PRKCSH: variants seen among roughly 807,000 people sequenced by gnomAD.
The protein encoded by PRKCSH is PRKCSH beta subunit of glucosidase II, also known as glucosidase 2 subunit beta.
In PRKCSH, 42 loss-of-function variants were observed where a neutral mutation model predicts 79.7. The observed-to-expected ratio is 0.53, with a 90% confidence interval of 0.41 to 0.68. The LOEUF (loss-of-function observed/expected upper bound fraction) is 0.68, where lower values mean the gene tolerates loss of function less well. PRKCSH is among the 30% of genes least tolerant of loss of function. PRKCSH has a pLI of 0.00. For missense variants in PRKCSH, 686 were observed against 709.0 expected (o/e 0.97, Z 0.37); for synonymous variants, 325 against 288.2 (o/e 1.13, Z -1.29).
At chr19:11,442,733 C>T (rs963941946) in intron 7 of PRKCSH, among the ~76,000 whole-genome samples, 3 of 152,112 alleles carry the variant, frequency 2.0e-5, no homozygotes, top group African/African-American at 7.2e-5. Flanking sequence ...ACAGCGTCTC[C>T]CTCTGCCACC....
intron 5 of PRKCSH, among the ~76,000 whole-genome samples, chr19:11,439,160 G>C (rs1051783081): frequency 1.3e-5 from 2 of 152,140 alleles, no homozygotes; most frequent in African/African-American, 2.4e-5. Flanking sequence ...GCTCGCCTCA[G>C]CCTCCCAAAG....
chr19:11,444,263 G>T (rs574798690), intron 7 of PRKCSH, among the ~76,000 whole-genome samples: 1 of 152,288 alleles, frequency 6.6e-6, no homozygotes, highest in East Asian at 1.9e-4. Context: ...TTTTCCTCAG[G>T]ATGTGTTCTC....
At chr19:11,444,696 G>A (rs1383206027) in intron 7 of PRKCSH, among the ~76,000 whole-genome samples, 1 of 152,144 alleles carries the variant, frequency 6.6e-6, no homozygotes, top group Admixed American at 6.6e-5. Context: ...GACAGACAAA[G>A]GAGGGACTTT....
chr19:11,449,269 C>T lies in PRKCSH; in HGVS notation c.1465C>T (p.Arg489Cys). The T allele has an allele frequency of 1.2e-6, 2 of 1,613,704 alleles. No individual in the cohort carries two copies. ...WQGPNRSTTV[R>C]LLCGKETMVT... ...GCACCCGTCTGCCCATCCCCAGGTG[C>T]GCCTCCTGTGCGGGAAAGAGACCAT... Residue 489 changes from arginine to cysteine, a missense_variant, in exon 17 of 18, where the codon CGC becomes TGC. Physicochemically the swap from Arg to Cys is radical, Grantham distance 180 (BLOSUM62 -3). Transcript: ENST00000677123. This position sits in a 1 kb window ranked among gnomAD's most constrained non-coding sequence, Gnocchi z 6.4.
At chr19:11,440,997 T>C (rs987250562) in intron 5 of PRKCSH, 15 of 477,712 alleles carry the variant, frequency 3.1e-5, no homozygotes, top group Admixed American at 2.8e-4. Context: ...GATATCTAGC[T>C]CCACCTCCTG....
Position 11,441,305 on chromosome 19 carries a change from G to T in PRKCSH, c.416G>T (p.Arg139Leu). 6.2e-7 allele frequency: 1 copy of T among 1,614,026 alleles called. No individual in the cohort carries two copies. Among genetic ancestry groups the T allele is most frequent in the Non-Finnish European group, 8.5e-7 (1 of 1,179,938 alleles). ...QMAEVTREGF[R>L]LKKILIEDWK... ...GCCGAGGTCACCCGCGAAGGGTTCC[G>T]TCTGAAGAAGATCCTTATTGAGGAC... Residue 139 changes from arginine to leucine, a missense_variant, in exon 6 of 18, where the codon CGT becomes CTT. Physicochemically the swap from Arg to Leu is moderately radical, Grantham distance 102 (BLOSUM62 -2). Coordinates refer to ENST00000677123, the MANE Select transcript of PRKCSH (RefSeq NM_001289104.2).
In PRKCSH at chr19:11,449,358, C is replaced by T. The variant is rs951864674; in HGVS notation, c.1554C>T (p.Ala518=). The part of the protein sequence containing the change: ...EYLMELMTPA[A]CPEPPPEAPT... The stretch of plus-strand genomic sequence containing the variant: ...TCATGGAGCTGATGACGCCAGCCGC[C>T]TGCCCGGAGCCACCGCCTGAAGCAC... Residue 518 remains alanine, a synonymous_variant, in exon 17 of 18, where the codon GCC becomes GCT. Transcript: ENST00000677123. The surrounding 1 kb of genome is among the most constrained non-coding windows in gnomAD (Gnocchi z 6.4). 4 of 1,613,362 alleles carry T rather than the reference C, an allele frequency of 2.5e-6. No individual in the cohort carries two copies. The African/African-American group carries it at 4.0e-5, about 16-fold the overall frequency.
Position 11,448,214 on chromosome 19 carries a change from T to G in PRKCSH, c.1127-8T>G. 1 of 1,554,952 alleles carries G rather than the reference T, an allele frequency of 6.4e-7. No individual in the cohort carries two copies. The highest frequency in any genetic ancestry group is 8.7e-7 in the Non-Finnish European group (1 of 1,148,674). On this transcript the variant is annotated splice_polypyrimidine_tract_variant and splice_region_variant and intron_variant, in intron 12 of 17. Transcript: ENST00000677123. This position sits in a 1 kb window ranked among gnomAD's most constrained non-coding sequence, Gnocchi z 4.4. ...GAGGACATCTCTGACCTCCAACCCC[T>G]CTCCCAGCTGCCCAGGAGGCCCGCA...
rs112429008 is a variant in PRKCSH at position 11,448,922 on chromosome 19, A to G, written c.1295A>G (p.Tyr432Cys). 4 of 1,614,034 alleles carry G rather than the reference A, an allele frequency of 2.5e-6. No individual in the cohort carries two copies. Among genetic ancestry groups the G allele is most frequent in the African/African-American group, 1.3e-5 (1 of 74,990 alleles). Residue 432 changes from tyrosine (Y) to cysteine (C), a missense_variant, in exon 15 of 18, where the codon TAC becomes TGC. Coordinates refer to ENST00000677123, the MANE Select transcript of PRKCSH (RefSeq NM_001289104.2). This position sits in a 1 kb window ranked among gnomAD's most constrained non-coding sequence, Gnocchi z 4.4. ...GTCCCGGTCCTCCACAGATACGTCTACCGCCTCTGCCCCTTCAAGCTTGTC... is the reference window on the plus strand; with the variant it reads ...GTCCCGGTCCTCCACAGATACGTCTGCCGCCTCTGCCCCTTCAAGCTTGTC... Reference protein sequence around the residue: ...CYELTTNEYVYRLCPFKLVSQ... With the variant: ...CYELTTNEYVCRLCPFKLVSQ...
rs147379800 is a variant in PRKCSH, at chr19:11,443,304, T to G, written c.598+789T>G. Among the ~76,000 whole-genome samples the G allele has an allele frequency of 2.1e-3, 314 of 152,056 alleles. 1 individual carries two copies. Among genetic ancestry groups the G allele is most frequent in the African/African-American group, 7.1e-3 (294 of 41,512 alleles). The stretch of plus-strand genomic sequence containing the variant: ...GGCTCATGCCTGTAATCCCAGCACT[T>G]TGGGAGGCTGAGGCAGGCAGATCAC... On this transcript the variant is annotated intron_variant, in intron 7 of 17. Coordinates refer to ENST00000677123, the MANE Select transcript of PRKCSH (RefSeq NM_001289104.2).
Position 11,447,281 on chromosome 19 carries a change from A to AC in PRKCSH, c.849+127dup. On this transcript the variant is annotated intron_variant, in intron 10 of 17. Transcript: ENST00000677123. This position sits in a 1 kb window ranked among gnomAD's most constrained non-coding sequence, Gnocchi z 5.6. ...CCCTGGCCAGCTGGGTGGCCCCAGC[A>AC]CCCCCCACCGAGACCCCCCGACCCC... The AC allele has an allele frequency of 2.4e-6, 3 of 1,268,264 alleles. No individual in the cohort carries two copies. Among genetic ancestry groups the AC allele is most frequent in the East Asian group, 2.7e-5 (1 of 37,300 alleles). 78.6% of individuals were successfully genotyped at this position (1,268,264 alleles called of 1,614,324 possible).
At chr19:11,441,427 C>A in intron 6 of PRKCSH, 70 bp downstream of exon 6, 1 of 1,472,708 alleles carries the variant, frequency 6.8e-7, no homozygotes, top group Non-Finnish European at 9.5e-7. Flanking sequence ...GCTTGCAAGG[C>A]TGGGGAGGGG....
rs896429243 is a variant in PRKCSH, at chr19:11,445,021, G to A, written c.599-368G>A. Among the ~76,000 whole-genome samples the A allele has an allele frequency of 9.2e-5, 14 of 152,122 alleles. 1 individual carries two copies. The highest frequency in any genetic ancestry group is 2.1e-4 in the Non-Finnish European group (14 of 68,006). The stretch of plus-strand genomic sequence containing the variant: ...CTTCCTCAGTCCCCAGCCTGGGCCA[G>A]CCCTTGTTATCACCTGGCTTCTGCC... On this transcript the variant is annotated intron_variant, in intron 7 of 17. Transcript: ENST00000677123.
At position 11,448,108 on chromosome 19, in the gene PRKCSH, C is replaced by T; in HGVS notation, c.1127-114C>T. The T allele has an allele frequency of 8.5e-7, 1 of 1,182,162 alleles. No homozygotes were observed. The highest frequency in any genetic ancestry group is 1.3e-5 in the South Asian group (1 of 75,824). The allele number at this position is 1,182,162 out of a possible 1,614,324, so 73.2% of individuals were successfully genotyped here. ...GCCCTCAAGGCTGTCGGGGTGAAGTCCTTGGCCAGAGCAAAATGAGGGTAT... is the reference window on the plus strand; with the variant it reads ...GCCCTCAAGGCTGTCGGGGTGAAGTTCTTGGCCAGAGCAAAATGAGGGTAT... On this transcript the variant is annotated intron_variant, in intron 12 of 17. Transcript: ENST00000677123. This position sits in a 1 kb window ranked among gnomAD's most constrained non-coding sequence, Gnocchi z 4.4.
At chr19:11,440,784 T>G (rs1326285401) in intron 5 of PRKCSH, among the ~76,000 whole-genome samples, 4 of 152,144 alleles carry the variant, frequency 2.6e-5, no homozygotes, top group Non-Finnish European at 5.9e-5. Flanking sequence ...GATTGTCTTT[T>G]TGTCTGGGAG....
rs776424480 is a variant in PRKCSH, at chr19:11,436,525, A to G, written c.196+20A>G. ...AGCCAGGTGAGCCTTTTCTCTGTTC[A>G]TCCATCAGATGTTTATTGAACACTG... On this transcript the variant is annotated intron_variant, in intron 3 of 17. Transcript: ENST00000677123. 3 of 1,570,560 alleles carry G rather than the reference A, an allele frequency of 1.9e-6. No individual in the cohort carries two copies. Among genetic ancestry groups the G allele is most frequent in the Non-Finnish European group, 1.7e-6 (2 of 1,143,814 alleles).
rs189045412 is a variant in PRKCSH at position 11,448,347 on chromosome 19, C to T, written c.1196+56C>T. ...TCCCACAGCGACTGCTCCTTGACTC[C>T]CAGGGGAGCTGGTGATGGGGAATCA... On this transcript the variant is annotated intron_variant, in intron 13 of 17. Transcript: ENST00000677123. The surrounding 1 kb of genome is among the most constrained non-coding windows in gnomAD (Gnocchi z 4.4). 6.5e-7 allele frequency: 1 copy of T among 1,542,434 alleles called. No individual in the cohort carries two copies. Among genetic ancestry groups the T allele is most frequent in the East Asian group, 2.4e-5 (1 of 41,822 alleles).
intron 7 of PRKCSH, among the ~76,000 whole-genome samples, chr19:11,444,205 C>T (rs1970192064): frequency 6.6e-6 from 1 of 152,198 alleles, no homozygotes; most frequent in African/African-American, 2.4e-5. Flanking sequence ...GAATCTTTGT[C>T]GTGTTGCAAG....
At chr19:11,446,978 C>A in intron 9 of PRKCSH, 96 bp from the exon 10 acceptor site, 1 of 1,339,040 alleles carries the variant, frequency 7.5e-7, no homozygotes, top group African/African-American at 1.4e-5. Flanking sequence ...CGGGGCCCAG[C>A]CCTCCCGTGC....
Sources: gnomAD v4.1 joint callset for allele counts (sites outside exome capture counted in the v4.1 genomes callset) on GRCh38, gnomAD v4.1.1 for gene constraint, Gnocchi (gnomAD v3.1) non-coding constraint, MANE v1.5 for transcripts, NCBI Gene and HGNC (gene_info 2026-07-23, HGNC 2026-07-21) for gene names.